The following ATF7IP variants were observed in gnomAD, a reference collection of about 807,000 sequenced individuals.
The protein encoded by ATF7IP is activating transcription factor 7 interacting protein, also known as activating transcription factor 7-interacting protein 1.
A neutral mutation model predicts 106.4 loss-of-function variants in ATF7IP; 23 were observed. The ratio of observed to expected loss-of-function variants is 0.22; its 90% CI spans 0.16 to 0.31. The LOEUF is 0.31. Ranked by LOEUF, ATF7IP falls within the 10% of genes least tolerant of loss-of-function variation. The pLI, the probability that ATF7IP is intolerant of heterozygous loss-of-function variation, is 1.00. For missense variants in ATF7IP, 1,334 were observed against 1,524.3 expected, an observed-to-expected ratio of 0.88 and a Z score of 2.08; for synonymous variants, 542 against 539.0, an observed-to-expected ratio of 1.01 and a Z score of -0.08.
At position 14,502,224 on chromosome 12, in the gene ATF7IP, A is replaced by G. The variant is rs544456135; in HGVS notation, c.*4151A>G. On this transcript the variant is annotated 3_prime_UTR_variant, in exon 15 of 15. Coordinates refer to ENST00000261168, the MANE Select transcript of ATF7IP (RefSeq NM_018179.5). ...ACCGATGTGTGATTCTACCTTCCTT[A>G]CTATTTTTACTGGGCAAATGCCCTA... 3.3e-5 allele frequency: 5 copies of G among 152,278 alleles called. 1 individual carries two copies. In the South Asian group the frequency reaches 1.0e-3, roughly 32 times the overall value. 9.4% of individuals were successfully genotyped at this position (152,278 alleles called of 1,614,324 possible).
chr12:14,477,376 T>G (rs895793685), intron 11 of ATF7IP, among the ~76,000 whole-genome samples: 1 of 152,176 alleles, frequency 6.6e-6, no homozygotes, highest in Non-Finnish European at 1.5e-5. Context: ...AGTTTCAAAT[T>G]ATCTCTATTG....
intron 1 of ATF7IP, among the ~76,000 whole-genome samples, chr12:14,415,208 G>A (rs957794668): frequency 2.6e-5 from 4 of 152,142 alleles, no homozygotes; most frequent in African/African-American, 2.4e-5. Flanking sequence ...TTTTCTAAGG[G>A]GGTGTAATTT....
chr12:14,489,687 A>G (rs914131631), intron 13 of ATF7IP, among the ~76,000 whole-genome samples: 1 of 152,188 alleles, frequency 6.6e-6, no homozygotes, highest in African/African-American at 2.4e-5. Context: ...GTGACTTCAA[A>G]AGGCCATTCC....
At chr12:14,435,813 A>G (rs552319304) in intron 3 of ATF7IP, among the ~76,000 whole-genome samples, 4 of 152,236 alleles carry the variant, frequency 2.6e-5, no homozygotes, top group South Asian at 2.1e-4. Context: ...GATTTCATCT[A>G]CCTTCTTCAT....
intron 10 of ATF7IP, among the ~76,000 whole-genome samples, chr12:14,474,222 C>A (rs1276858648): frequency 6.6e-6 from 1 of 151,606 alleles, no homozygotes; most frequent in African/African-American, 2.4e-5. Flanking sequence ...TTCTATTGAT[C>A]TAGCATCAAT....
At chr12:14,457,504 C>T (rs373418718) in intron 8 of ATF7IP, among the ~76,000 whole-genome samples, 3 of 151,932 alleles carry the variant, frequency 2.0e-5, no homozygotes, top group African/African-American at 4.8e-5. Context: ...GAGGATTACC[C>T]AAACCCAGGA....
chr12:14,387,728 A>T (rs1939318594), intron 1 of ATF7IP, among the ~76,000 whole-genome samples: 1 of 152,166 alleles, frequency 6.6e-6, no homozygotes, highest in Non-Finnish European at 1.5e-5. Context: ...TAGTTCTCAA[A>T]TTTTCTGTTC....
At chr12:14,492,699 T>G (rs2136863264) in intron 13 of ATF7IP, among the ~76,000 whole-genome samples, 1 of 152,334 alleles carries the variant, frequency 6.6e-6, no homozygotes, top group Admixed American at 6.5e-5. Flanking sequence ...TGATTGCCAC[T>G]TTGCCTCTGC....
chr12:14,434,995 G>A (rs1229741702), intron 3 of ATF7IP, among the ~76,000 whole-genome samples: 2 of 152,048 alleles, frequency 1.3e-5, no homozygotes, highest in Admixed American at 1.3e-4. Context: ...GGCTGCAGTG[G>A]TAGTATTGCT....
intron 1 of ATF7IP, among the ~76,000 whole-genome samples, chr12:14,410,515 G>C (rs888785536): frequency 6.6e-6 from 1 of 152,156 alleles, no homozygotes; most frequent in South Asian, 2.1e-4. Context: ...CAAGAGTAGT[G>C]ATGCTGGCAA....
At chr12:14,442,813 C>T (rs1031171919) in intron 5 of ATF7IP, among the ~76,000 whole-genome samples, 6 of 152,124 alleles carry the variant, frequency 3.9e-5, no homozygotes, top group South Asian at 2.1e-4. Context: ...TCTTTAAGAA[C>T]GTTTTTATGT....
intron 13 of ATF7IP, among the ~76,000 whole-genome samples, chr12:14,488,540 C>T (rs1463647544): frequency 2.0e-5 from 3 of 152,100 alleles, no homozygotes; most frequent in Non-Finnish European, 4.4e-5. Context: ...CCTTCCCCAG[C>T]CCACTGACTC....
intron 10 of ATF7IP, among the ~76,000 whole-genome samples, chr12:14,467,058 C>T (rs1943860814): frequency 6.6e-6 from 1 of 152,070 alleles, no homozygotes; most frequent in African/African-American, 2.4e-5. Context: ...TGCTTGTTTA[C>T]TAGCACTTTG....
chr12:14,463,536 G>A (rs895559310), intron 9 of ATF7IP, among the ~76,000 whole-genome samples: 7 of 152,164 alleles, frequency 4.6e-5, no homozygotes, highest in Non-Finnish European at 8.8e-5. Context: ...TGTGATGAGT[G>A]TTAGAATTTG....
chr12:14,421,812 A>AT, intron 1 of ATF7IP, among the ~76,000 whole-genome samples: 1 of 152,192 alleles, frequency 6.6e-6, no homozygotes, highest in Non-Finnish European at 1.5e-5. Context: ...CATGAAATAA[A>AT]GTCAGAATGC....
Position 14,476,229 on chromosome 12 carries a change from C to T in ATF7IP, c.2941+261C>T, listed in dbSNP as rs142900285. ...GAGTTTGAGACCAGCCCGGGCAATG[C>T]GGTGAAACCCCGTCTCTATAAAAAA... On this transcript the variant is annotated intron_variant, in intron 11 of 14. Transcript: ENST00000261168. 9.1e-4 allele frequency: 264 copies of T among 290,984 alleles called. 2 individuals carry two copies. In the East Asian group the frequency reaches 0.011, roughly 12 times the overall value. 18.0% of individuals were successfully genotyped at this position (290,984 alleles called of 1,614,324 possible). A position where few individuals can be genotyped will look rare whatever the true frequency, so the allele number is the denominator to read the frequency against.
At chr12:14,388,591 C>G (rs1394214237) in intron 1 of ATF7IP, among the ~76,000 whole-genome samples, 1 of 152,238 alleles carries the variant, frequency 6.6e-6, no homozygotes, top group South Asian at 2.1e-4. Context: ...AAGTGATCCG[C>G]CTGCCTAGGC....
intron 5 of ATF7IP, 74 bp downstream of exon 5, chr12:14,438,341 G>T: frequency 7.8e-7 from 1 of 1,279,576 alleles, no homozygotes; most frequent in Non-Finnish European, 1.1e-6. Flanking sequence ...ATATATATTT[G>T]AGATTAACTA....
intron 9 of ATF7IP, among the ~76,000 whole-genome samples, chr12:14,461,580 C>T (rs913571674): frequency 1.3e-5 from 2 of 152,164 alleles, no homozygotes; most frequent in African/African-American, 4.8e-5. Context: ...ATTTGAACAA[C>T]TTAAAAATAA....
Sources: allele counts gnomAD v4.1 joint callset (sites outside exome capture counted in the v4.1 genomes callset), GRCh38; gene constraint gnomAD v4.1.1; transcripts MANE v1.5; gene names NCBI Gene and HGNC (gene_info 2026-07-23, HGNC 2026-07-21).